KCNQ1: variants seen among roughly 807,000 people sequenced by gnomAD.
KCNQ1 encodes the protein potassium voltage-gated channel subfamily KQT member 1.
In KCNQ1, 49 loss-of-function variants were observed where a neutral mutation model predicts 72.4. The ratio of observed to expected loss-of-function variants is 0.68; its 90% CI spans 0.54 to 0.86. The LOEUF is 0.86. Ranked by LOEUF, KCNQ1 falls within the 40% of genes least tolerant of loss-of-function variation. The pLI is 0.00. For missense variants in KCNQ1, 790 were observed against 945.1 expected (o/e 0.84, Z 2.15); for synonymous variants, 450 against 412.6 (o/e 1.09, Z -1.10).
chr11:2,811,608 G>A (rs1847487038), intron 15 of KCNQ1, among the ~76,000 whole-genome samples: 1 of 152,238 alleles, frequency 6.6e-6, no homozygotes, highest in African/African-American at 2.4e-5. Context: ...GCCACCTTCT[G>A]TGATCGTCCT....
At chr11:2,485,282 C>T (rs1304465687) in intron 1 of KCNQ1, among the ~76,000 whole-genome samples, 1 of 151,872 alleles carries the variant, frequency 6.6e-6, no homozygotes, top group Non-Finnish European at 1.5e-5. Context: ...TGCTGTGACT[C>T]CTGGAGTCAG....
Position 2,463,330 on chromosome 11 carries a change from CTGCTGAGGATACATT to C in KCNQ1, c.386+17850_386+17864del, listed in dbSNP as rs1003530126. 1.5e-3 allele frequency among the ~76,000 whole-genome samples: 223 copies of C among 152,334 alleles called. 1 individual carries two copies. The highest frequency in any genetic ancestry group is 5.1e-3 in the African/African-American group (211 of 41,570). Reference sequence around the variant, plus strand: ...TGGCCTGCAAGGTAGAGGCTGTTTTCTGCTGAGGATACATTTGCCCCCTCTATCCCCCAGATCGGC... The same window carrying C: ...TGGCCTGCAAGGTAGAGGCTGTTTTCTGCCCCCTCTATCCCCCAGATCGGC... On this transcript the variant is annotated intron_variant, in intron 1 of 15. Transcript: ENST00000155840. This position sits in a 1 kb window ranked among gnomAD's most constrained non-coding sequence, Gnocchi z 7.0.
At chr11:2,646,503 C>G (rs1849668384) in intron 10 of KCNQ1, 3 of 398,402 alleles carry the variant, frequency 7.5e-6, no homozygotes, top group Non-Finnish European at 1.3e-5. Context: ...TTTGCTGTTT[C>G]ACAGAAATGC....
chr11:2,651,796 G>C lies in KCNQ1; in HGVS notation c.1394-10165G>C. ...CCATTTTGATTCCTGGGCCCCTTAA[G>C]AGTCCATTAGCATTGGAATGGAGCC... On this transcript the variant is annotated intron_variant, in intron 10 of 15. Transcript: ENST00000155840. The surrounding 1 kb of genome is among the most constrained non-coding windows in gnomAD (Gnocchi z 6.1). 2.5e-6 allele frequency: 1 copy of C among 398,592 alleles called. No homozygotes were observed. The highest frequency in any genetic ancestry group is 4.4e-6 in the Non-Finnish European group (1 of 226,082). The allele number at this position is 398,592 out of a possible 1,614,324, so 24.7% of individuals were successfully genotyped here.
intron 15 of KCNQ1, among the ~76,000 whole-genome samples, chr11:2,791,966 G>A (rs998784211): frequency 6.6e-6 from 1 of 152,222 alleles, no homozygotes; most frequent in Admixed American, 6.5e-5. Context: ...CCCGGGTTCC[G>A]AGTGCTCCAG....
chr11:2,700,518 G>C (rs1487094332), intron 11 of KCNQ1, among the ~76,000 whole-genome samples: 1 of 152,014 alleles, frequency 6.6e-6, no homozygotes, highest in Admixed American at 6.5e-5. Context: ...ACCCGGGCAA[G>C]GTCTCCACCG....
chr11:2,741,271 C>T (rs1336886431), intron 11 of KCNQ1, among the ~76,000 whole-genome samples: 1 of 152,218 alleles, frequency 6.6e-6, no homozygotes, highest in Non-Finnish European at 1.5e-5. Context: ...TTGACTTTTA[C>T]TCTGCCGCTG....
chr11:2,674,960 T>C lies in KCNQ1; in HGVS notation c.1514+12879T>C. On this transcript the variant is annotated intron_variant, in intron 11 of 15. Coordinates refer to ENST00000155840, the MANE Select transcript of KCNQ1 (RefSeq NM_000218.3). This position sits in a 1 kb window ranked among gnomAD's most constrained non-coding sequence, Gnocchi z 5.9. ...TCGCTTCTGGGGCTGACTGGAGCTG[T>C]TTCTCTTCGTTTCCTCTTACAGTGG... The C allele has an allele frequency of 2.5e-6, 1 of 398,408 alleles. No individual in the cohort carries two copies. 24.7% of individuals were successfully genotyped at this position (398,408 alleles called of 1,614,324 possible). A position where few individuals can be genotyped will look rare whatever the true frequency, so the allele number is the denominator to read the frequency against.
rs1029991140 is a variant in KCNQ1, at chr11:2,653,022, C to T, written c.1394-8939C>T. On this transcript the variant is annotated intron_variant, in intron 10 of 15. Transcript: ENST00000155840. This position sits in a 1 kb window ranked among gnomAD's most constrained non-coding sequence, Gnocchi z 5.3. ...GCTTGAGGCAAATCTATTCTGCACA[C>T]CTTTGATCCAATGTGAGATCCAACA... 6 of 398,662 alleles carry T rather than the reference C, an allele frequency of 1.5e-5. No individual in the cohort carries two copies. Among genetic ancestry groups the T allele is most frequent in the African/African-American group, 1.0e-4 (5 of 48,752 alleles). The allele number at this position is 398,662 out of a possible 1,614,324, so 24.7% of individuals were successfully genotyped here.
In KCNQ1 at chr11:2,626,488, C is replaced by T. The variant is rs1849264168; in HGVS notation, c.1394-35473C>T. 2.5e-6 allele frequency: 1 copy of T among 398,554 alleles called. No homozygotes were observed. The highest frequency in any genetic ancestry group is 4.4e-6 in the Non-Finnish European group (1 of 226,068). The allele number at this position is 398,554 out of a possible 1,614,324, so 24.7% of individuals were successfully genotyped here. The stretch of plus-strand genomic sequence containing the variant: ...TCCATTGGTCTCTACATCTTTATGT[C>T]AATACCACATAGTTTTGATTACTGT... On this transcript the variant is annotated intron_variant, in intron 10 of 15. Coordinates refer to ENST00000155840, the MANE Select transcript of KCNQ1 (RefSeq NM_000218.3). The surrounding 1 kb of genome is among the most constrained non-coding windows in gnomAD (Gnocchi z 4.0).
At position 2,450,115 on chromosome 11, in the gene KCNQ1, C is replaced by T. The variant is rs924540607; in HGVS notation, c.386+4631C>T. On this transcript the variant is annotated intron_variant, in intron 1 of 15. Coordinates refer to ENST00000155840, the MANE Select transcript of KCNQ1 (RefSeq NM_000218.3). This position sits in a 1 kb window ranked among gnomAD's most constrained non-coding sequence, Gnocchi z 7.9. ...TTGTCTGGGAGGTGGACGAGCCCTCCGTAGCCCTGACATTCCAAACTGGCT... is the reference window on the plus strand; with the variant it reads ...TTGTCTGGGAGGTGGACGAGCCCTCTGTAGCCCTGACATTCCAAACTGGCT... Among the ~76,000 whole-genome samples, 4 of 152,228 alleles carry T rather than the reference C, an allele frequency of 2.6e-5. No individual in the cohort carries two copies. The highest frequency in any genetic ancestry group is 4.1e-4 in the South Asian group (2 of 4,834).
At chr11:2,631,361 T>C in intron 10 of KCNQ1, 1 of 398,570 alleles carries the variant, frequency 2.5e-6, no homozygotes, top group East Asian at 3.6e-5. Flanking sequence ...TGATCAAGTC[T>C]GCTGCTGATG....
Position 2,678,059 on chromosome 11 carries a change from G to C in KCNQ1, c.1514+15978G>C, listed in dbSNP as rs1045791418. ...TGTGAACTATTTCTTCATACCCTTT[G>C]GACTTTGTAAAATACCTTGTCTTAC... On this transcript the variant is annotated intron_variant, in intron 11 of 15. Coordinates refer to ENST00000155840, the MANE Select transcript of KCNQ1 (RefSeq NM_000218.3). The surrounding 1 kb of genome is among the most constrained non-coding windows in gnomAD (Gnocchi z 4.9). 8.3e-5 allele frequency: 33 copies of C among 398,106 alleles called. No homozygotes were observed. The highest frequency in any genetic ancestry group is 1.3e-4 in the Non-Finnish European group (29 of 225,930). 24.7% of individuals were successfully genotyped at this position (398,106 alleles called of 1,614,324 possible). A position where few individuals can be genotyped will look rare whatever the true frequency, so the allele number is the denominator to read the frequency against.
At chr11:2,799,464 G>A (rs1401687921) in intron 15 of KCNQ1, among the ~76,000 whole-genome samples, 1 of 152,022 alleles carries the variant, frequency 6.6e-6, no homozygotes, top group Admixed American at 6.6e-5. Flanking sequence ...GTGGTGTGGT[G>A]TGTTTGTATG....
At chr11:2,756,747 T>C (rs148243558) in intron 11 of KCNQ1, among the ~76,000 whole-genome samples, 123 of 152,192 alleles carry the variant, frequency 8.1e-4, no homozygotes, top group African/African-American at 2.8e-3. Context: ...CCACCACACC[T>C]GGCCGTCTAG....
chr11:2,633,810 C>G, intron 10 of KCNQ1: 1 of 398,548 alleles, frequency 2.5e-6, no homozygotes, highest in Non-Finnish European at 4.4e-6. Flanking sequence ...CCTGTATATA[C>G]CAAAAGCCAT....
intron 15 of KCNQ1, among the ~76,000 whole-genome samples, chr11:2,819,006 C>G (rs1847678960): frequency 6.6e-6 from 1 of 152,218 alleles, no homozygotes; most frequent in Admixed American, 6.5e-5. Context: ...CTGAAAGGAG[C>G]TAGTCCTCTC....
chr11:2,515,401 GC>G lies in KCNQ1; in HGVS notation c.387-12526del. Among the ~76,000 whole-genome samples, 1 of 51,978 alleles carries G rather than the reference GC, an allele frequency of 1.9e-5. No homozygotes were observed. Among genetic ancestry groups the G allele is most frequent in the East Asian group, 4.4e-4 (1 of 2,276 alleles). The allele number at this position is 51,978 out of a possible 152,430, so 34.1% of individuals were successfully genotyped here. ...TAACGCCTGCCCTGTGTGAGGGAGG[GC>G]GGAGCCCCTGGCCCAGGGGCGGGGA... On this transcript the variant is annotated intron_variant, in intron 1 of 15. Transcript: ENST00000155840. The surrounding 1 kb of genome is among the most constrained non-coding windows in gnomAD (Gnocchi z 4.7).
In KCNQ1 at chr11:2,451,233, C is replaced by G. The variant is rs375897706; in HGVS notation, c.386+5749C>G. 7.9e-5 allele frequency among the ~76,000 whole-genome samples: 12 copies of G among 152,300 alleles called. No homozygotes were observed. In the East Asian group the frequency reaches 2.3e-3, roughly 29 times the overall value. ...GTGGTGATCTTGGGATGAAACTGTT[C>G]CATCTCAGATCATCAGGTATTAGAT... On this transcript the variant is annotated intron_variant, in intron 1 of 15. Transcript: ENST00000155840. The surrounding 1 kb of genome is among the most constrained non-coding windows in gnomAD (Gnocchi z 6.4).
Sources: gnomAD v4.1 joint callset for allele counts (sites outside exome capture counted in the v4.1 genomes callset) on GRCh38, gnomAD v4.1.1 for gene constraint, Gnocchi (gnomAD v3.1) non-coding constraint, MANE v1.5 for transcripts, NCBI Gene and HGNC (gene_info 2026-07-23, HGNC 2026-07-21) for gene names.